Variants in MPRIP observed in about 807,000 individuals in gnomAD.
The protein encoded by MPRIP is myosin phosphatase Rho interacting protein.
MPRIP carries 59 observed loss-of-function variants against 234.9 expected under a neutral mutation model. That is an observed-to-expected ratio of 0.25 (90% CI 0.20 to 0.31). The LOEUF (loss-of-function observed/expected upper bound fraction) is 0.31. MPRIP is among the 10% of genes least tolerant of loss of function. The probability of loss-of-function intolerance (pLI) is 1.00; values close to 1 mark genes in which losing one functional copy is unlikely to be tolerated. For synonymous variants in MPRIP, 1,144 were observed against 1,263.9 expected, an observed-to-expected ratio of 0.91 and a Z score of 2.01; for missense variants, 2,436 against 3,071.0, an observed-to-expected ratio of 0.79 and a Z score of 4.89.
chr17:17,117,795 T>C (rs2090314990), intron 3 of MPRIP, among the ~76,000 whole-genome samples: 1 of 152,344 alleles, frequency 6.6e-6, no homozygotes, highest in Admixed American at 6.5e-5. Flanking sequence ...TTTTCCACAA[T>C]AGCTACACCA....
At position 17,171,609 on chromosome 17, in the gene MPRIP, A is replaced by G. The variant is rs1449352488; in HGVS notation, c.6325-109A>G. The G allele has an allele frequency of 2.1e-6, 3 of 1,396,310 alleles. No homozygotes were observed. The African/African-American group carries it at 4.3e-5, about 20-fold the overall frequency. The allele number at this position is 1,396,310 out of a possible 1,614,324, so 86.5% of individuals were successfully genotyped here. ...GGTGGAGCAAGCTCAGTGAATGCCC[A>G]GTCACAGCTGGGCCTGGACAGGGTG... On this transcript the variant is annotated intron_variant, in intron 16 of 23. Transcript: ENST00000651222.
chr17:17,161,385 G>C lies in MPRIP; in HGVS notation c.2517+29G>C, dbSNP rs1295755535. ...GGGTGGAGGGGCTGCTGTGGCCCAT[G>C]GTGCGCTCAGGAGCTTCAGTGTGAA... On this transcript the variant is annotated intron_variant, in intron 15 of 23. Transcript: ENST00000651222. The C allele has an allele frequency of 6.1e-6, 9 of 1,471,198 alleles. No homozygotes were observed. The South Asian group carries it at 1.1e-4, about 18-fold the overall frequency. 91.1% of individuals were successfully genotyped at this position (1,471,198 alleles called of 1,614,324 possible).
chr17:17,180,224 C>T (rs2046344508), intron 23 of MPRIP, 136 bp downstream of exon 23: 7 of 744,670 alleles, frequency 9.4e-6, no homozygotes, highest in Non-Finnish European at 1.5e-5. Context: ...AGCCCGAGCT[C>T]ACCCTGCTGG....
chr17:17,164,751 C>T lies in MPRIP; in HGVS notation c.3160C>T (p.Leu1054=), dbSNP rs939529339. The change falls in exon 16 of 24, where the codon CTG becomes TTG. Residue 1054 remains leucine, a synonymous_variant. Transcript: ENST00000651222. ...EDKASAYEDQ[L]QGQAQQVETL... ...CAAGGCCAGCGCCTATGAGGACCAG[C>T]TGCAGGGTCAGGCACAGCAGGTGGA... The T allele has an allele frequency of 7.4e-5, 96 of 1,303,684 alleles. No individual in the cohort carries two copies. The highest frequency in any genetic ancestry group is 9.7e-5 in the Non-Finnish European group (96 of 988,778). The allele number at this position is 1,303,684 out of a possible 1,614,324, so 80.8% of individuals were successfully genotyped here. A position where few individuals can be genotyped will look rare whatever the true frequency, so the allele number is the denominator to read the frequency against.
At chr17:17,129,600 C>T (rs577429959) in intron 4 of MPRIP, among the ~76,000 whole-genome samples, 32 of 152,314 alleles carry the variant, frequency 2.1e-4, no homozygotes, top group African/African-American at 6.7e-4. Flanking sequence ...TGACTCCTCC[C>T]GAGTCCTAGG....
At chr17:17,132,474 C>G (rs2090616556) in intron 5 of MPRIP, among the ~76,000 whole-genome samples, 1 of 152,214 alleles carries the variant, frequency 6.6e-6, no homozygotes, top group Non-Finnish European at 1.5e-5. Flanking sequence ...GCTACTCTTC[C>G]CAAGTCCTGA....
chr17:17,126,560 A>T, intron 3 of MPRIP, 142 bp from the exon 4 acceptor site: 1 of 957,744 alleles, frequency 1.0e-6, no homozygotes, highest in Non-Finnish European at 1.5e-6. Flanking sequence ...ATGGGCACAA[A>T]GGAAGAGGAG....
At chr17:17,109,875 C>T (rs12601193) in intron 3 of MPRIP, among the ~76,000 whole-genome samples, 5,025 of 152,180 alleles carry the variant, frequency 0.033, 145 homozygotes, top group East Asian at 0.12. Context: ...ACATGGGAGC[C>T]GGCTGAAAAG....
chr17:17,159,075 G>A, intron 14 of MPRIP, 73 bp downstream of exon 14: 1 of 1,478,982 alleles, frequency 6.8e-7, no homozygotes, highest in Non-Finnish European at 9.1e-7. Flanking sequence ...CCCAGCTGTG[G>A]CCTGAGGGGT....
At chr17:17,113,981 C>T (rs1425479963) in intron 3 of MPRIP, among the ~76,000 whole-genome samples, 2 of 148,214 alleles carry the variant, frequency 1.3e-5, no homozygotes, top group Admixed American at 1.4e-4. Flanking sequence ...CAACCTCGAA[C>T]TCCTGGGCTC....
intron 1 of MPRIP, among the ~76,000 whole-genome samples, chr17:17,065,555 A>G (rs1165789408): frequency 2.0e-5 from 3 of 152,104 alleles, no homozygotes; most frequent in African/African-American, 7.2e-5. Flanking sequence ...TTCCACCAAT[A>G]CCACACAGTC....
intron 3 of MPRIP, among the ~76,000 whole-genome samples, chr17:17,124,957 G>A (rs894012205): frequency 6.6e-6 from 1 of 152,228 alleles, no homozygotes; most frequent in Non-Finnish European, 1.5e-5. Context: ...TGTGGCCATA[G>A]CACTCAGTGT....
chr17:17,176,435 C>T lies in MPRIP; in HGVS notation c.6880C>T (p.Arg2294Trp), dbSNP rs1226623107. Residue 2294 changes from arginine (R) to tryptophan (W), a missense_variant, in exon 21 of 24, where the codon CGG (arginine) becomes TGG (tryptophan). Arg to Trp is a moderately radical substitution (Grantham distance 101, BLOSUM62 -3). Transcript: ENST00000651222. ...CTCTCTGTCATTTTAGGTCTTATTG[C>T]GGGTAAAGGAATCGGAAATACAGTA... ...KDAYELEVLLRVKESEIQYLK... is the reference protein window; with the variant it reads ...KDAYELEVLLWVKESEIQYLK... 2 of 1,613,256 alleles carry T rather than the reference C, an allele frequency of 1.2e-6. No homozygotes were observed. The highest frequency in any genetic ancestry group is 1.7e-6 in the Non-Finnish European group (2 of 1,179,252).
intron 9 of MPRIP, 40 bp from the exon 10 acceptor site, chr17:17,145,996 A>G: frequency 6.3e-7 from 1 of 1,598,270 alleles, no homozygotes; most frequent in Non-Finnish European, 8.6e-7. Context: ...TGACACTAGA[A>G]GAGTTTCCTC....
chr17:17,145,898 G>A (rs2045452965), intron 9 of MPRIP, 138 bp from the exon 10 acceptor site: 2 of 794,936 alleles, frequency 2.5e-6, no homozygotes, highest in Non-Finnish European at 4.1e-6. Context: ...GGGTGAGGGG[G>A]CTGCACAGGC....
In MPRIP at chr17:17,143,653, C is replaced by T. The variant is rs377310078; in HGVS notation, c.1487C>T (p.Thr496Met). The T allele has an allele frequency of 2.1e-5, 33 of 1,604,516 alleles. No homozygotes were observed. The East Asian group carries it at 2.9e-4, about 14-fold the overall frequency. ...RRAKSLDRRSTEPSVTPDLLN... is the reference protein window; with the variant it reads ...RRAKSLDRRSMEPSVTPDLLN... ...GCCAAGTCACTGGACAGGAGGTCCACGGAGCCCTCCGTGACGGTGAGCCCA... is the reference window on the plus strand; with the variant it reads ...GCCAAGTCACTGGACAGGAGGTCCATGGAGCCCTCCGTGACGGTGAGCCCA... Residue 496 changes from threonine (T) to methionine (M), a missense_variant, in exon 9 of 24, where the codon ACG becomes ATG. Thr to Met is a moderately conservative substitution (Grantham distance 81). This residue lies in a region of MPRIP where 1,998 missense variants were observed against 2,520.3 expected (regional missense o/e 0.79). Transcript: ENST00000651222.
rs954479646 is a variant in MPRIP, at chr17:17,184,976, G to GTTT, written c.*84_*86dup. ...AGCGCTGCTTTTCACCTGTACCTTT[G>GTTT]TTTTATTATTATTATTATTATTGCT... On this transcript the variant is annotated 3_prime_UTR_variant, in exon 24 of 24. Coordinates refer to ENST00000651222, the MANE Select transcript of MPRIP (RefSeq NM_001364716.4). The GTTT allele has an allele frequency of 2.0e-5, 18 of 882,482 alleles. No individual in the cohort carries two copies. Among genetic ancestry groups the GTTT allele is most frequent in the Non-Finnish European group, 3.2e-5 (17 of 530,904 alleles). 54.7% of individuals were successfully genotyped at this position (882,482 alleles called of 1,614,324 possible). A position where few individuals can be genotyped will look rare whatever the true frequency, so the allele number is the denominator to read the frequency against.
intron 12 of MPRIP, among the ~76,000 whole-genome samples, chr17:17,151,009 C>CTTCTTATTATTA (rs113787870): frequency 1.2e-4 from 18 of 145,350 alleles, no homozygotes; most frequent in African/African-American, 4.6e-4. Context: ...CCATGCCCAG[C>CTTCTTATTATTA]TTATTATTAT....
chr17:17,047,512 T>G (rs1476361021), intron 1 of MPRIP, among the ~76,000 whole-genome samples: 1 of 152,244 alleles, frequency 6.6e-6, no homozygotes, highest in African/African-American at 2.4e-5. Context: ...CTATCAGACT[T>G]GTTTTTTAGG....
Sources: allele counts gnomAD v4.1 joint callset (sites outside exome capture counted in the v4.1 genomes callset), GRCh38; gene constraint gnomAD v4.1.1; regional missense constraint gnomAD v4.1.1; transcripts MANE v1.5; gene names NCBI Gene and HGNC (gene_info 2026-07-23, HGNC 2026-07-21).